Variants in TDRD9 observed in about 807,000 individuals in gnomAD.
TDRD9 encodes ATP-dependent RNA helicase TDRD9.
A neutral mutation model predicts 172.6 loss-of-function variants in TDRD9; 124 were observed. The observed-to-expected ratio is 0.72, with a 90% CI of 0.62 to 0.83. TDRD9 has a LOEUF of 0.83. TDRD9 is among the 40% of genes least tolerant of loss of function. TDRD9 has a pLI of 0.00. For missense variants in TDRD9, 1,479 were observed against 1,714.1 expected, an observed-to-expected ratio of 0.86 and a Z score of 2.42; for synonymous variants, 619 against 617.1, an observed-to-expected ratio of 1.00 and a Z score of -0.05.
rs139705157 is a variant in TDRD9, at chr14:103,980,309, G to T, written c.1011+4756G>T. Among the ~76,000 whole-genome samples the T allele has an allele frequency of 0.022, 3,373 of 152,244 alleles. 59 individuals carry two copies. The highest frequency in any genetic ancestry group is 0.036 in the Non-Finnish European group (2,443 of 68,000). On this transcript the variant is annotated intron_variant, in intron 7 of 35. Coordinates refer to ENST00000409874, the MANE Select transcript of TDRD9 (RefSeq NM_153046.3). The surrounding 1 kb of genome is among the most constrained non-coding windows in gnomAD (Gnocchi z 4.5). Reference sequence around the variant, plus strand: ...TATTTATTGGATACAAGACAAAGGGGCAGGGTAAGGAGTGTGAGCCATCTC... The same window carrying T: ...TATTTATTGGATACAAGACAAAGGGTCAGGGTAAGGAGTGTGAGCCATCTC...
intron 22 of TDRD9, among the ~76,000 whole-genome samples, chr14:104,017,716 ATTAG>A (rs61226796): frequency 0.023 from 3,431 of 152,334 alleles, 144 homozygotes; most frequent in Admixed American, 0.12. Context: ...TATTCCTCTC[ATTAG>A]TTAGACATTT....
At chr14:104,022,599 CA>C (rs2034992588) in intron 24 of TDRD9, among the ~76,000 whole-genome samples, 1 of 152,124 alleles carries the variant, frequency 6.6e-6, no homozygotes, top group Non-Finnish European at 1.5e-5. Context: ...TGGTCGCACA[CA>C]CCTTTAATCC....
At position 103,940,700 on chromosome 14, in the gene TDRD9, A is replaced by G. The variant is rs564103055; in HGVS notation, c.215+11976A>G. 5.8e-5 allele frequency: 41 copies of G among 710,598 alleles called. No individual in the cohort carries two copies. In the South Asian group the frequency reaches 7.6e-4, roughly 13 times the overall value. The allele number at this position is 710,598 out of a possible 1,614,324, so 44.0% of individuals were successfully genotyped here. On this transcript the variant is annotated intron_variant, in intron 1 of 35. Coordinates refer to ENST00000409874, the MANE Select transcript of TDRD9 (RefSeq NM_153046.3). The stretch of plus-strand genomic sequence containing the variant: ...TTAAAACATAGGCTACATCCACAGG[A>G]TACTGACCTTGTAACAAAGAAAAAC...
rs542215262 is a variant in TDRD9 at position 104,006,689 on chromosome 14, G to T, written c.1923G>T (p.Arg641=). ...SLKNFFAMPF[R]QHLDGYRNKV... is the part of the protein sequence containing the mutation. ...AGAATTTTTTTGCAATGCCTTTCCG[G>T]CAGCATCTCGATGGATATAGGTACT... Residue 641 remains arginine, a synonymous_variant, in exon 17 of 36, where the codon CGG becomes CGT. Coordinates refer to ENST00000409874, the MANE Select transcript of TDRD9 (RefSeq NM_153046.3). The T allele has an allele frequency of 5.6e-6, 9 of 1,613,758 alleles. No homozygotes were observed. The highest frequency in any genetic ancestry group is 3.3e-4 in the Middle Eastern group (2 of 6,084).
chr14:103,982,842 G>A (rs955157753), intron 7 of TDRD9, among the ~76,000 whole-genome samples: 2 of 152,042 alleles, frequency 1.3e-5, no homozygotes, highest in Non-Finnish European at 2.9e-5. Flanking sequence ...TAGAGGTTGC[G>A]GTGAGCCAAG....
At chr14:103,928,806 C>T in intron 1 of TDRD9, 82 bp downstream of exon 1, 1 of 412,830 alleles carries the variant, frequency 2.4e-6, no homozygotes, top group Non-Finnish European at 3.7e-6. Flanking sequence ...CCAGATCCTT[C>T]TCGCGAGCCC....
chr14:104,006,324 A>G (rs1387908252), intron 15 of TDRD9, 65 bp from the exon 16 acceptor site: 1 of 1,387,486 alleles, frequency 7.2e-7, no homozygotes, highest in African/African-American at 1.4e-5. Flanking sequence ...TGGACTCTCC[A>G]CCTTAAGGGG....
intron 1 of TDRD9, among the ~76,000 whole-genome samples, chr14:103,953,391 G>A (rs1000130294): frequency 6.6e-6 from 1 of 151,302 alleles, no homozygotes; most frequent in African/African-American, 2.4e-5. Flanking sequence ...GTAACCAGAG[G>A]AATGCTGATA....
intron 20 of TDRD9, among the ~76,000 whole-genome samples, chr14:104,014,090 G>C (rs1233755745): frequency 1.3e-5 from 2 of 151,906 alleles, no homozygotes; most frequent in East Asian, 3.9e-4. Context: ...TTAGCTGGGC[G>C]TGGTGGTGGG....
chr14:104,019,384 GAC>G (rs2034885717), intron 23 of TDRD9, among the ~76,000 whole-genome samples: 1 of 152,024 alleles, frequency 6.6e-6, no homozygotes, highest in South Asian at 2.1e-4. Context: ...TTATTTTTGA[GAC>G]AGAGTCTTGC....
At position 104,051,974 on chromosome 14, in the gene TDRD9, C is replaced by G; in HGVS notation, c.4048-7C>G. On this transcript the variant is annotated splice_polypyrimidine_tract_variant and splice_region_variant and intron_variant, in intron 35 of 35. Transcript: ENST00000409874. Reference sequence around the variant, plus strand: ...AGCCTGACTGGTCCGCTTGTCTACCCCATTAGGTTGATCCAAAGCTGGTCA... The same window carrying G: ...AGCCTGACTGGTCCGCTTGTCTACCGCATTAGGTTGATCCAAAGCTGGTCA... The G allele has an allele frequency of 6.3e-7, 1 of 1,581,498 alleles. No individual in the cohort carries two copies. The highest frequency in any genetic ancestry group is 8.6e-7 in the Non-Finnish European group (1 of 1,162,598).
At chr14:103,928,782 A>C (rs1403564238) in intron 1 of TDRD9, 58 bp downstream of exon 1, 27 of 566,804 alleles carry the variant, frequency 4.8e-5, no homozygotes, top group Non-Finnish European at 6.7e-5. Flanking sequence ...CCTGGCGACG[A>C]GGGCACGGGC....
intron 6 of TDRD9, among the ~76,000 whole-genome samples, chr14:103,971,183 T>C (rs375576247): frequency 5.4e-4 from 82 of 151,486 alleles, no homozygotes; most frequent in Middle Eastern, 3.4e-3. Context: ...CGGGGTTTCA[T>C]CGTGTTAGCC....
In TDRD9 at chr14:103,965,448, A is replaced by G. The variant is rs1182405549; in HGVS notation, c.536A>G (p.Tyr179Cys). ...ILDHYVQRSA[Y>C]CSIVVTQPRK... The stretch of plus-strand genomic sequence containing the variant: ...GACCACTACGTTCAGCGCTCCGCCT[A>G]CTGCAGCATTGTGGTCACCCAGCCC... Residue 179 changes from tyrosine to cysteine, a missense_variant, in exon 4 of 36, where the codon TAC (tyrosine) becomes TGC (cysteine). Physicochemically the swap from Tyr to Cys is radical, Grantham distance 194 (BLOSUM62 -2). Around this residue, in one of 3 missense-constraint regions of TDRD9, gnomAD observed 1,413 missense variants for 1,649.1 expected, o/e 0.86. Coordinates refer to ENST00000409874, the MANE Select transcript of TDRD9 (RefSeq NM_153046.3). 5 of 1,551,488 alleles carry G rather than the reference A, an allele frequency of 3.2e-6. No individual in the cohort carries two copies. Among genetic ancestry groups the G allele is most frequent in the African/African-American group, 1.4e-5 (1 of 73,010 alleles).
intron 6 of TDRD9, among the ~76,000 whole-genome samples, chr14:103,973,027 A>G (rs2033097804): frequency 6.6e-6 from 1 of 151,594 alleles, no homozygotes; most frequent in Non-Finnish European, 1.5e-5. Flanking sequence ...TTTAGTTTTC[A>G]ATGGTAAAAA....
rs1174283420 is a variant in TDRD9, at chr14:104,006,416, A to G, written c.1741A>G (p.Arg581Gly). 4 of 1,613,802 alleles carry G rather than the reference A, an allele frequency of 2.5e-6. No individual in the cohort carries two copies. The highest frequency in any genetic ancestry group is 2.7e-5 in the African/African-American group (2 of 74,932). ...TGGAGCACTTGCAGTGAGTGGGCAG[A>G]GAGAAGATGAAAACCCCCATGATGG... ...EVGALAVSGQ[R>G]EDENPHDGEL... The change falls in exon 16 of 36, where the codon AGA (arginine) becomes GGA (glycine). Residue 581 changes from arginine (R) to glycine (G), a missense_variant. This residue lies in a region of TDRD9 where 1,413 missense variants were observed against 1,649.1 expected (regional missense o/e 0.86). Coordinates refer to ENST00000409874, the MANE Select transcript of TDRD9 (RefSeq NM_153046.3).
At chr14:104,025,890 A>G in intron 26 of TDRD9, 114 bp downstream of exon 26, 1 of 1,059,780 alleles carries the variant, frequency 9.4e-7, no homozygotes, top group East Asian at 2.4e-5. Context: ...GCAGTTAGCA[A>G]AGTAGTCTGT....
chr14:104,044,416 C>T (rs1019871299), intron 34 of TDRD9, among the ~76,000 whole-genome samples: 1 of 152,318 alleles, frequency 6.6e-6, no homozygotes, highest in East Asian at 1.9e-4. Flanking sequence ...GTAAAGTACA[C>T]CTCAGTAAAG....
At chr14:103,953,088 T>C (rs906618557) in intron 1 of TDRD9, among the ~76,000 whole-genome samples, 1 of 152,242 alleles carries the variant, frequency 6.6e-6, no homozygotes, top group South Asian at 2.1e-4. Flanking sequence ...GATCACCTGC[T>C]CCCCTTCACC....
Sources: gnomAD v4.1 joint callset for allele counts (sites outside exome capture counted in the v4.1 genomes callset) on GRCh38, gnomAD v4.1.1 for gene constraint, gnomAD v4.1.1 regional missense constraint, Gnocchi (gnomAD v3.1) non-coding constraint, MANE v1.5 for transcripts, NCBI Gene and HGNC (gene_info 2026-07-23, HGNC 2026-07-21) for gene names.